Variants in C19orf81 observed in about 807,000 individuals in gnomAD.
C19orf81 encodes the protein putative uncharacterized protein C19orf81.
In C19orf81, 19 loss-of-function variants were observed where a neutral mutation model predicts 22.1. That is an observed-to-expected ratio of 0.86 (90% CI 0.60 to 1.26). The LOEUF (loss-of-function observed/expected upper bound fraction) is 1.26, where lower values mean the gene tolerates loss of function less well. Among genes scored for constraint, C19orf81 ranks in the 50% most tolerant of loss-of-function variants. The probability of loss-of-function intolerance (pLI) is 0.00; values close to 1 mark genes in which losing one functional copy is unlikely to be tolerated. For synonymous variants in C19orf81, 108 were observed against 113.1 expected (o/e 0.95, Z 0.29); for missense variants, 287 against 280.7 (o/e 1.02, Z -0.16).
chr19:50,657,157 T>C (rs147706762), intron 3 of C19orf81, among the ~76,000 whole-genome samples: 7 of 152,196 alleles, frequency 4.6e-5, no homozygotes, highest in Non-Finnish European at 1.0e-4. Context: ...CTGATGTCAA[T>C]AGGTGCTTAC....
At chr19:50,658,617 G>T in intron 4 of C19orf81, 1 of 295,746 alleles carries the variant, frequency 3.4e-6, no homozygotes. Flanking sequence ...TAGTAGGTGT[G>T]GGGCCAGGGG....
rs1349739654 is a variant in C19orf81 at position 50,649,516 on chromosome 19, T to A, written c.67+5T>A. On this transcript the variant is annotated splice_donor_5th_base_variant and intron_variant, in intron 1 of 4. Transcript: ENST00000425202. ...CCACCATGCACAGGAAGGCAGGTAC[T>A]GAGCTGTGTCTTTGGGGGAAGGGGT... 5 of 1,535,790 alleles carry A rather than the reference T, an allele frequency of 3.3e-6. No individual in the cohort carries two copies. The highest frequency in any genetic ancestry group is 4.4e-6 in the Non-Finnish European group (5 of 1,146,686).
At chr19:50,651,040 T>C (rs1337687553) in intron 1 of C19orf81, among the ~76,000 whole-genome samples, 2 of 152,224 alleles carry the variant, frequency 1.3e-5, no homozygotes, top group Non-Finnish European at 2.9e-5. Flanking sequence ...AATCACATTT[T>C]TTAGTTGATC....
At chr19:50,655,752 A>G (rs375632556) in intron 1 of C19orf81, among the ~76,000 whole-genome samples, 11 of 152,208 alleles carry the variant, frequency 7.2e-5, no homozygotes, top group African/African-American at 2.6e-4. Flanking sequence ...AGAGGAAGCA[A>G]AAAGGAGCAA....
intron 4 of C19orf81, 75 bp downstream of exon 4, chr19:50,658,203 T>C: frequency 7.1e-7 from 1 of 1,414,422 alleles, no homozygotes; most frequent in East Asian, 2.6e-5. Flanking sequence ...AAGAGCGTGG[T>C]TGGTTTTAGA....
intron 1 of C19orf81, among the ~76,000 whole-genome samples, chr19:50,654,449 C>T (rs1046618973): frequency 3.9e-4 from 59 of 152,098 alleles, no homozygotes; most frequent in African/African-American, 1.4e-3. Flanking sequence ...ACTACAGGCA[C>T]ACACCAACAC....
chr19:50,650,788 C>T (rs566804543), intron 1 of C19orf81, among the ~76,000 whole-genome samples: 2 of 152,368 alleles, frequency 1.3e-5, no homozygotes, highest in South Asian at 4.1e-4. Context: ...AACAAATGCC[C>T]TGATGGCAAA....
At position 50,649,480 on chromosome 19, in the gene C19orf81, C is replaced by T; in HGVS notation, c.36C>T (p.Ala12=). 6.5e-7 allele frequency: 1 copy of T among 1,536,278 alleles called. No individual in the cohort carries two copies. Among genetic ancestry groups the T allele is most frequent in the Non-Finnish European group, 8.7e-7 (1 of 1,146,886 alleles). The change falls in exon 1 of 5, where the codon GCC becomes GCT. Residue 12 remains alanine, a synonymous_variant. Transcript: ENST00000425202. ...AGGTGGAGCCCGTGTGCTTCCCTGC[C>T]ATGGGCAGCCCCACCATGCACAGGA... ...QPEVEPVCFP[A]MGSPTMHRKA...
intron 1 of C19orf81, among the ~76,000 whole-genome samples, chr19:50,654,077 T>C (rs1414932332): frequency 6.6e-6 from 1 of 151,924 alleles, no homozygotes; most frequent in East Asian, 1.9e-4. Flanking sequence ...GGTCACAGAG[T>C]GGCCTTGCTT....
chr19:50,655,855 G>A (rs1487517821), intron 1 of C19orf81, among the ~76,000 whole-genome samples, 195 bp from the exon 2 acceptor site: 2 of 152,226 alleles, frequency 1.3e-5, no homozygotes, highest in Non-Finnish European at 2.9e-5. Context: ...GAGAAATGTG[G>A]TTAGTAGAGT....
At position 50,656,114 on chromosome 19, in the gene C19orf81, C is replaced by CA; in HGVS notation, c.135dup (p.Ser46IlefsTer75). On this transcript the variant is annotated frameshift_variant, in exon 2 of 5. Coordinates refer to ENST00000425202, the MANE Select transcript of C19orf81 (RefSeq NM_001195076.2). LOFTEE classifies it high-confidence loss of function. ...AGGCTCGGAGCCTGGGCAGGCCCAT[C>CA]AAATCCTCGTGAGTTGTCCCTGGCC... 6.5e-7 allele frequency: 1 copy of CA among 1,536,128 alleles called. No homozygotes were observed. The highest frequency in any genetic ancestry group is 8.7e-7 in the Non-Finnish European group (1 of 1,146,898).
chr19:50,657,463 G>A (rs1985020607), intron 3 of C19orf81, among the ~76,000 whole-genome samples: 1 of 152,170 alleles, frequency 6.6e-6, no homozygotes, highest in Non-Finnish European at 1.5e-5. Context: ...CTAATCACGT[G>A]ATGCAACTGT....
At chr19:50,657,839 C>A in intron 3 of C19orf81, 150 bp from the exon 4 acceptor site, 1 of 994,756 alleles carries the variant, frequency 1.0e-6, no homozygotes, top group Non-Finnish European at 1.4e-6. Flanking sequence ...ACCATAGCGA[C>A]AGTACCCTGG....
chr19:50,649,628 T>TCC, intron 1 of C19orf81, 117 bp downstream of exon 1: 2 of 1,116,692 alleles, frequency 1.8e-6, no homozygotes, highest in Non-Finnish European at 2.6e-6. Flanking sequence ...GTGAAAGCCA[T>TCC]CCCTAGCATT....
Position 50,657,980 on chromosome 19 carries a change from C to A in C19orf81, c.262-9C>A. The A allele has an allele frequency of 6.6e-7, 1 of 1,519,966 alleles. No individual in the cohort carries two copies. 94.2% of individuals were successfully genotyped at this position (1,519,966 alleles called of 1,614,324 possible). A position where few individuals can be genotyped will look rare whatever the true frequency, so the allele number is the denominator to read the frequency against. ...CCACGGGCTGAGGTTCTCTCTCCGA[C>A]ACCCGCAGCCCGAGGAGGATTTTAC... is the stretch of plus-strand genomic sequence containing the variant. On this transcript the variant is annotated splice_polypyrimidine_tract_variant and intron_variant, in intron 3 of 4. Coordinates refer to ENST00000425202, the MANE Select transcript of C19orf81 (RefSeq NM_001195076.2).
Position 50,656,112 on chromosome 19 carries a change from A to G in C19orf81, c.130A>G (p.Ile44Val), listed in dbSNP as rs1237931324. ...GCAGGCTCGGAGCCTGGGCAGGCCC[A>G]TCAAATCCTCGTGAGTTGTCCCTGG... ...EMQARSLGRP[I>V]KSSKQYLRQV... is the part of the protein sequence containing the mutation. The change falls in exon 2 of 5, where the codon ATC becomes GTC. Residue 44 changes from isoleucine to valine, a missense_variant. Coordinates refer to ENST00000425202, the MANE Select transcript of C19orf81 (RefSeq NM_001195076.2). 6.5e-7 allele frequency: 1 copy of G among 1,536,120 alleles called. No individual in the cohort carries two copies. Among genetic ancestry groups the G allele is most frequent in the Admixed American group, 2.0e-5 (1 of 51,000 alleles).
chr19:50,655,759 G>T (rs777166199), intron 1 of C19orf81, among the ~76,000 whole-genome samples: 1 of 152,180 alleles, frequency 6.6e-6, no homozygotes, highest in Non-Finnish European at 1.5e-5. Flanking sequence ...GCAAAAAGGA[G>T]CAAGTTCCTC....
chr19:50,655,518 G>A (rs894796251), intron 1 of C19orf81, among the ~76,000 whole-genome samples: 8 of 152,026 alleles, frequency 5.3e-5, no homozygotes, highest in Non-Finnish European at 7.4e-5. Context: ...GCGTGGTAGC[G>A]GGTGCCTGTA....
intron 3 of C19orf81, 30 bp from the exon 4 acceptor site, chr19:50,657,959 G>A: frequency 2.0e-6 from 3 of 1,503,556 alleles, no homozygotes; most frequent in Non-Finnish European, 2.7e-6. Flanking sequence ...AGGAGGCCAC[G>A]GGCTGAGGTT....
Sources: gnomAD v4.1 joint callset for allele counts (sites outside exome capture counted in the v4.1 genomes callset) on GRCh38, gnomAD v4.1.1 for gene constraint, MANE v1.5 for transcripts, NCBI Gene and HGNC (gene_info 2026-07-23, HGNC 2026-07-21) for gene names.